The following NALF1 variants were observed in gnomAD, a reference collection of about 807,000 sequenced individuals.
NALF1 encodes the protein family with sequence similarity 155 member A.
Under a neutral mutation model 48.4 loss-of-function variants are expected in NALF1, and 3 were observed. The observed-to-expected ratio is 0.06, with a 90% CI of 0.03 to 0.16. NALF1 has a LOEUF of 0.16. Among genes scored for constraint, NALF1 ranks in the 10% least tolerant of loss-of-function variants. NALF1 has a pLI of 1.00. For synonymous variants in NALF1, 262 were observed against 245.7 expected, an observed-to-expected ratio of 1.07 and a Z score of -0.62; for missense variants, 526 against 571.5, an observed-to-expected ratio of 0.92 and a Z score of 0.81.
At chr13:107,729,715 G>A (rs188453614) in intron 1 of NALF1, among the ~76,000 whole-genome samples, 1 of 152,210 alleles carries the variant, frequency 6.6e-6, no homozygotes, top group African/African-American at 2.4e-5. Context: ...CTGACCTCAG[G>A]TAATCCACCT....
intron 1 of NALF1, among the ~76,000 whole-genome samples, chr13:107,548,510 G>A (rs1252023805): frequency 1.3e-5 from 2 of 152,078 alleles, no homozygotes; most frequent in Non-Finnish European, 2.9e-5. Context: ...TTGAATAGTA[G>A]TTCTGTTTTT....
chr13:107,587,985 A>T (rs1200757947), intron 1 of NALF1, among the ~76,000 whole-genome samples: 1 of 152,126 alleles, frequency 6.6e-6, no homozygotes, highest in African/African-American at 2.4e-5. Context: ...ACGACTGGCC[A>T]GCTTATGAAT....
At chr13:107,332,636 C>T (rs1882489890) in intron 1 of NALF1, among the ~76,000 whole-genome samples, 1 of 152,184 alleles carries the variant, frequency 6.6e-6, no homozygotes, top group Admixed American at 6.5e-5. Context: ...GATTCTATTT[C>T]TGATAAACAA....
intron 1 of NALF1, among the ~76,000 whole-genome samples, chr13:107,460,301 C>T (rs540290323): frequency 1.3e-5 from 2 of 152,314 alleles, no homozygotes; most frequent in African/African-American, 2.4e-5. Context: ...AACAAGACTA[C>T]ACACAGAGGT....
At chr13:107,628,651 C>T (rs549316926) in intron 1 of NALF1, among the ~76,000 whole-genome samples, 200 of 152,236 alleles carry the variant, frequency 1.3e-3, no homozygotes, top group African/African-American at 4.4e-3. Flanking sequence ...CCGCCAATTC[C>T]CAAATCTTAC....
intron 1 of NALF1, among the ~76,000 whole-genome samples, chr13:107,405,191 G>C (rs865886325): frequency 1.3e-4 from 19 of 151,998 alleles, no homozygotes; most frequent in African/African-American, 4.1e-4. Context: ...CACCATGTCT[G>C]AGCTCTCACA....
intron 1 of NALF1, among the ~76,000 whole-genome samples, chr13:107,276,577 T>C (rs989183267): frequency 2.6e-5 from 4 of 152,190 alleles, no homozygotes; most frequent in Non-Finnish European, 4.4e-5. Context: ...CTACCTGTCA[T>C]GTAGGCTGAG....
chr13:107,403,917 T>G (rs2138994108), intron 1 of NALF1, among the ~76,000 whole-genome samples: 1 of 152,240 alleles, frequency 6.6e-6, no homozygotes, highest in Admixed American at 6.6e-5. Context: ...CTATTATGTT[T>G]TCATCTCTTG....
intron 1 of NALF1, among the ~76,000 whole-genome samples, chr13:107,862,975 T>G (rs1880615754): frequency 6.6e-6 from 1 of 151,468 alleles, no homozygotes; most frequent in South Asian, 2.1e-4. Flanking sequence ...CCCAAAAATT[T>G]GTGGTGCTAA....
intron 1 of NALF1, among the ~76,000 whole-genome samples, chr13:107,290,218 C>CGCTATTCTCTTGCCTA (rs1881593283): frequency 6.7e-6 from 1 of 149,264 alleles, no homozygotes; most frequent in African/African-American, 2.5e-5. Context: ...CATTTTGCCA[C>CGCTATTCTCTTGCCTA]AAATTATGTT....
intron 1 of NALF1, among the ~76,000 whole-genome samples, chr13:107,278,896 C>T (rs965816113): frequency 4.6e-5 from 7 of 152,044 alleles, no homozygotes; most frequent in African/African-American, 1.4e-4. Flanking sequence ...TTTGCTCTAC[C>T]AAATTATCCT....
intron 1 of NALF1, among the ~76,000 whole-genome samples, chr13:107,299,715 T>TATTTATTTATTC (rs539301320): frequency 3.5e-4 from 51 of 146,452 alleles, no homozygotes; most frequent in African/African-American, 1.2e-3. Context: ...TTTATTTATT[T>TATTTATTTATTC]ATTCGATTAT....
At chr13:107,439,846 G>A (rs1438668658) in intron 1 of NALF1, among the ~76,000 whole-genome samples, 1 of 152,124 alleles carries the variant, frequency 6.6e-6, no homozygotes, top group Non-Finnish European at 1.5e-5. Context: ...AATATTGTGA[G>A]TTGTTTCTGA....
chr13:107,257,418 T>C (rs1014504825), intron 1 of NALF1, among the ~76,000 whole-genome samples: 1 of 152,114 alleles, frequency 6.6e-6, no homozygotes, highest in Non-Finnish European at 1.5e-5. Context: ...ATATTCTTAA[T>C]ATTTGGAGAA....
chr13:107,184,800 A>G (rs1432692881), intron 2 of NALF1, among the ~76,000 whole-genome samples: 2 of 152,134 alleles, frequency 1.3e-5, no homozygotes. Context: ...TTTTATGTCA[A>G]GTATATTTTA....
At chr13:107,677,724 C>A (rs1594201132) in intron 1 of NALF1, among the ~76,000 whole-genome samples, 2 of 151,424 alleles carry the variant, frequency 1.3e-5, no homozygotes, top group Admixed American at 1.3e-4. Context: ...AATTTTTTAT[C>A]ATCCACCTAT....
intron 2 of NALF1, among the ~76,000 whole-genome samples, chr13:107,171,965 ATAG>A (rs1755690498): frequency 6.6e-6 from 1 of 152,226 alleles, no homozygotes; most frequent in South Asian, 2.1e-4. Context: ...GTGAAAAACA[ATAG>A]TTATCAATGG....
chr13:107,397,593 C>G lies in NALF1; in HGVS notation c.916-186838G>C, dbSNP rs114211502. Among the ~76,000 whole-genome samples, 404 of 152,162 alleles carry G rather than the reference C, an allele frequency of 2.7e-3. 3 individuals are homozygous for G. Among genetic ancestry groups the G allele is most frequent in the African/African-American group, 9.6e-3 (397 of 41,514 alleles). ...CTCCACAGTCTGCCCTGGTTTCTGT[C>G]CATATTTGAAAATTACTTACTGTTA... is the stretch of plus-strand genomic sequence containing the variant. On this transcript the variant is annotated intron_variant, in intron 1 of 2. Transcript: ENST00000375915.
chr13:107,389,943 T>C (rs1883593683), intron 1 of NALF1, among the ~76,000 whole-genome samples: 1 of 152,210 alleles, frequency 6.6e-6, no homozygotes, highest in African/African-American at 2.4e-5. Context: ...CTCTAAAACA[T>C]GCCTTGTCAG....
Sources: allele counts gnomAD v4.1 joint callset (sites outside exome capture counted in the v4.1 genomes callset), GRCh38; gene constraint gnomAD v4.1.1; transcripts MANE v1.5; gene names NCBI Gene and HGNC (gene_info 2026-07-23, HGNC 2026-07-21).